The following DIAPH2 variants were observed in gnomAD, a reference collection of about 807,000 sequenced individuals.
The protein encoded by DIAPH2 is protein diaphanous homolog 2.
In DIAPH2, 35 loss-of-function variants were observed where a neutral mutation model predicts 92.7. The observed-to-expected ratio is 0.38, with a 90% CI of 0.29 to 0.50. The LOEUF (loss-of-function observed/expected upper bound fraction) is 0.50, where lower values mean the gene tolerates loss of function less well. DIAPH2 is among the 20% of genes least tolerant of loss of function. DIAPH2 has a pLI of 0.94. For missense variants in DIAPH2, 701 were observed against 819.5 expected, an observed-to-expected ratio of 0.86 and a Z score of 1.77; for synonymous variants, 301 against 280.4, an observed-to-expected ratio of 1.07 and a Z score of -0.73.
intron 26 of DIAPH2, among the ~76,000 whole-genome samples, chrX:97,464,616 A>G (rs960238684): frequency 1.8e-5 from 2 of 111,417 alleles, no homozygotes; most frequent in East Asian, 2.8e-4. Flanking sequence ...TCTGTGGCCA[A>G]TCAGCCAGAG....
intron 17 of DIAPH2, among the ~76,000 whole-genome samples, chrX:97,036,865 A>G (rs2066414316): frequency 8.9e-6 from 1 of 111,956 alleles, no homozygotes; most frequent in South Asian, 3.7e-4. Flanking sequence ...GTAGATGACA[A>G]TCATTAAAAT....
At chrX:96,768,561 C>T (rs1371973847) in intron 4 of DIAPH2, among the ~76,000 whole-genome samples, 1 of 111,560 alleles carries the variant, frequency 9.0e-6, no homozygotes, top group African/African-American at 3.3e-5. Flanking sequence ...GACAGGTAAG[C>T]GCTATTAGAG....
chrX:97,598,029 C>T (rs769419056), intron 26 of DIAPH2, among the ~76,000 whole-genome samples: 50 of 111,116 alleles, frequency 4.5e-4, no homozygotes, highest in Middle Eastern at 4.6e-3. Flanking sequence ...GTTTGCTGAC[C>T]ACAGACTACC....
chrX:97,141,969 A>T (rs1364035540), intron 22 of DIAPH2, among the ~76,000 whole-genome samples, 175 bp downstream of exon 22: 1 of 112,153 alleles, frequency 8.9e-6, no homozygotes, highest in Non-Finnish European at 1.9e-5. Context: ...CATTTTAATA[A>T]CCTATTTTGT....
At chrX:96,805,566 C>T (rs751683233) in intron 4 of DIAPH2, among the ~76,000 whole-genome samples, 9 of 111,057 alleles carry the variant, frequency 8.1e-5, no homozygotes, top group Non-Finnish European at 1.3e-4. Flanking sequence ...GGGGACCATG[C>T]TAAAGAGAAC....
chrX:96,884,157 A>T (rs1434835107), intron 5 of DIAPH2: 25 of 457,216 alleles, frequency 5.5e-5, no homozygotes, highest in Non-Finnish European at 8.9e-5. Context: ...GACGCTTGTC[A>T]CGTCCTCAGC....
At chrX:97,185,921 A>C (rs1007440909) in intron 22 of DIAPH2, among the ~76,000 whole-genome samples, 2 of 110,934 alleles carry the variant, frequency 1.8e-5, no homozygotes, top group East Asian at 2.8e-4. Context: ...TATTGATGAC[A>C]GTTTTTTAGC....
chrX:96,763,159 T>C, intron 4 of DIAPH2: 1 of 907,515 alleles, frequency 1.1e-6, no homozygotes, highest in South Asian at 2.2e-5. Context: ...AGATATGAAT[T>C]TGTGGTTTTG....
chrX:96,707,898 CT>C (rs1023141903), intron 1 of DIAPH2, among the ~76,000 whole-genome samples: 9 of 111,282 alleles, frequency 8.1e-5, no homozygotes, highest in Non-Finnish European at 1.7e-4. Context: ...AGGCATTTTT[CT>C]TTTTTTATAT....
At chrX:96,754,161 G>A (rs747088675) in intron 3 of DIAPH2, among the ~76,000 whole-genome samples, 1 of 111,751 alleles carries the variant, frequency 8.9e-6, no homozygotes, top group East Asian at 2.8e-4. Context: ...TTTCCTGACC[G>A]GTCTCCTTCC....
chrX:96,689,837 A>G (rs373892455), intron 1 of DIAPH2, among the ~76,000 whole-genome samples: 3 of 111,241 alleles, frequency 2.7e-5, no homozygotes, highest in Non-Finnish European at 3.8e-5. Flanking sequence ...TTTTATGTCT[A>G]TTCTTGAAAA....
chrX:97,254,750 G>A (rs1295373237), intron 23 of DIAPH2, among the ~76,000 whole-genome samples: 1 of 108,450 alleles, frequency 9.2e-6, no homozygotes, highest in Non-Finnish European at 1.9e-5. Context: ...TTGAGACAGA[G>A]TCTCGCTCTG....
At chrX:97,476,312 TAA>T (rs2070602659) in intron 26 of DIAPH2, among the ~76,000 whole-genome samples, 1 of 112,033 alleles carries the variant, frequency 8.9e-6, no homozygotes, top group Non-Finnish European at 1.9e-5. Flanking sequence ...GTAGAAAGTG[TAA>T]GTTTACACTT....
intron 26 of DIAPH2, among the ~76,000 whole-genome samples, chrX:97,514,821 CG>C (rs2070929061): frequency 9.0e-6 from 1 of 110,976 alleles, no homozygotes; most frequent in Non-Finnish European, 1.9e-5. Flanking sequence ...TTAGGCTGCT[CG>C]GGGGTCAGAG....
chrX:96,946,608 A>AT, intron 14 of DIAPH2, among the ~76,000 whole-genome samples: 1 of 111,951 alleles, frequency 8.9e-6, no homozygotes, highest in South Asian at 3.7e-4. Flanking sequence ...TGGAGCTGTC[A>AT]TTTTTATTGG....
chrX:97,345,144 T>G (rs981196470), intron 23 of DIAPH2, among the ~76,000 whole-genome samples: 2 of 111,860 alleles, frequency 1.8e-5, no homozygotes, highest in Non-Finnish European at 3.8e-5. Flanking sequence ...AATCAGAATG[T>G]TTTTATATGA....
intron 23 of DIAPH2, among the ~76,000 whole-genome samples, chrX:97,249,737 A>T (rs748620931): frequency 2.7e-5 from 3 of 111,551 alleles, no homozygotes; most frequent in African/African-American, 9.8e-5. Flanking sequence ...TAATATATAT[A>T]TTTTTTACCC....
intron 26 of DIAPH2, chrX:97,449,532 T>C (rs1359529938): frequency 1.3e-5 from 2 of 158,652 alleles, no homozygotes; most frequent in Non-Finnish European, 2.1e-5. Flanking sequence ...TTATGCAATA[T>C]AGATGTATTA....
chrX:96,895,719 A>C (rs181436394), intron 5 of DIAPH2, among the ~76,000 whole-genome samples: 159 of 112,126 alleles, frequency 1.4e-3, no homozygotes, highest in South Asian at 4.1e-3. Context: ...ATTTGGAGAC[A>C]AAAATTGATA....
Sources: allele counts gnomAD v4.1 joint callset (sites outside exome capture counted in the v4.1 genomes callset), GRCh38; gene constraint gnomAD v4.1.1; transcripts MANE v1.5; gene names NCBI Gene and HGNC (gene_info 2026-07-23, HGNC 2026-07-21).